GRIK2: variants seen among roughly 807,000 people sequenced by gnomAD.
GRIK2 encodes glutamate ionotropic receptor kainate type subunit 2, also known as glutamate receptor ionotropic, kainate 2.
A neutral mutation model predicts 100.3 loss-of-function variants in GRIK2; 32 were observed. The ratio of observed to expected loss-of-function variants is 0.32; its 90% CI spans 0.24 to 0.43. The LOEUF is 0.43. GRIK2 is among the 20% of genes least tolerant of loss of function. The probability of loss-of-function intolerance (pLI) is 1.00; values close to 1 mark genes in which losing one functional copy is unlikely to be tolerated. For synonymous variants in GRIK2, 417 were observed against 389.4 expected, an observed-to-expected ratio of 1.07 and a Z score of -0.83; for missense variants, 843 against 1,114.9, an observed-to-expected ratio of 0.76 and a Z score of 3.47.
At chr6:102,018,536 C>A in intron 14 of GRIK2, among the ~76,000 whole-genome samples, 1 of 152,060 alleles carries the variant, frequency 6.6e-6, no homozygotes, top group East Asian at 1.9e-4. Context: ...CCACTTCTGG[C>A]ACCCAGCAAT....
intron 11 of GRIK2, among the ~76,000 whole-genome samples, chr6:101,881,480 A>C (rs1786238705): frequency 6.6e-6 from 1 of 151,962 alleles, no homozygotes; most frequent in Non-Finnish European, 1.5e-5. Context: ...TTATAATAAT[A>C]GAAATAATAC....
intron 2 of GRIK2, among the ~76,000 whole-genome samples, chr6:101,515,181 G>A (rs1774522995): frequency 1.3e-5 from 2 of 152,024 alleles, no homozygotes; most frequent in South Asian, 4.1e-4. Context: ...ACATCACTTA[G>A]AATAATAGTC....
chr6:101,726,201 G>A (rs1774854290), intron 7 of GRIK2, among the ~76,000 whole-genome samples: 1 of 151,894 alleles, frequency 6.6e-6, no homozygotes, highest in African/African-American at 2.4e-5. Flanking sequence ...TGCAAACAGT[G>A]TCCAGAGAAA....
At chr6:101,687,054 T>G (rs1296780455) in intron 7 of GRIK2, among the ~76,000 whole-genome samples, 1 of 152,090 alleles carries the variant, frequency 6.6e-6, no homozygotes, top group Non-Finnish European at 1.5e-5. Context: ...TTTAAGCTAC[T>G]ATGTAAAAAT....
intron 2 of GRIK2, among the ~76,000 whole-genome samples, chr6:101,465,040 G>A (rs748240621): frequency 2.6e-5 from 4 of 152,056 alleles, no homozygotes; most frequent in Non-Finnish European, 5.9e-5. Context: ...ATGCAATATG[G>A]CTAACAGGAT....
At chr6:101,520,611 C>A (rs974147465) in intron 2 of GRIK2, among the ~76,000 whole-genome samples, 4 of 151,976 alleles carry the variant, frequency 2.6e-5, no homozygotes, top group African/African-American at 9.7e-5. Flanking sequence ...TGACCAAGAA[C>A]TTCTTGTTTA....
intron 2 of GRIK2, among the ~76,000 whole-genome samples, chr6:101,411,563 G>C (rs1314609119): frequency 2.0e-5 from 3 of 152,054 alleles, no homozygotes; most frequent in Admixed American, 1.3e-4. Flanking sequence ...ATCCTAAGAA[G>C]TTTTTGACCT....
intron 10 of GRIK2, among the ~76,000 whole-genome samples, chr6:101,845,915 T>C (rs1783780543): frequency 6.6e-6 from 1 of 152,216 alleles, no homozygotes; most frequent in Non-Finnish European, 1.5e-5. Context: ...TGACTAATGA[T>C]GTTGAGCATG....
intron 4 of GRIK2, among the ~76,000 whole-genome samples, chr6:101,640,193 CTA>C (rs1229240633): frequency 6.6e-6 from 1 of 152,138 alleles, no homozygotes; most frequent in Non-Finnish European, 1.5e-5. Context: ...AGGCAAATCT[CTA>C]TGATTCAGTA....
At chr6:101,789,150 G>A (rs1218193139) in intron 7 of GRIK2, among the ~76,000 whole-genome samples, 1 of 152,064 alleles carries the variant, frequency 6.6e-6, no homozygotes, top group Non-Finnish European at 1.5e-5. Context: ...CTCCCATTTT[G>A]TAGGTTGCCT....
In GRIK2 at chr6:101,554,277, C is replaced by T. The variant is rs995808574; in HGVS notation, c.116-67672C>T. ...CAGAGCTGCCAAAGCTCCTGAAGTT[C>T]GTGTTAGTGTCTGTGTCCTTCAGAT... On this transcript the variant is annotated intron_variant, in intron 2 of 16. Coordinates refer to ENST00000369134, the MANE Select transcript of GRIK2 (RefSeq NM_021956.5). Among the ~76,000 whole-genome samples, 10 of 152,236 alleles carry T rather than the reference C, an allele frequency of 6.6e-5. 1 individual carries two copies. Among genetic ancestry groups the T allele is most frequent in the Admixed American group, 6.5e-4 (10 of 15,300 alleles).
At chr6:101,479,358 G>A (rs1772408966) in intron 2 of GRIK2, among the ~76,000 whole-genome samples, 1 of 152,074 alleles carries the variant, frequency 6.6e-6, no homozygotes, top group African/African-American at 2.4e-5. Flanking sequence ...CAGTGAGGGA[G>A]AATTTTTTTA....
chr6:101,527,226 G>T (rs1775199769), intron 2 of GRIK2, among the ~76,000 whole-genome samples: 1 of 152,166 alleles, frequency 6.6e-6, no homozygotes, highest in African/African-American at 2.4e-5. Context: ...ACACAGTACT[G>T]TCATCCAAAT....
chr6:101,495,367 G>GT (rs1243133955), intron 2 of GRIK2, among the ~76,000 whole-genome samples: 1 of 151,102 alleles, frequency 6.6e-6, no homozygotes, highest in African/African-American at 2.5e-5. Flanking sequence ...TTAGCCAGGC[G>GT]TGGTGGCGGG....
At chr6:101,460,073 T>C (rs1771221994) in intron 2 of GRIK2, among the ~76,000 whole-genome samples, 1 of 152,176 alleles carries the variant, frequency 6.6e-6, no homozygotes. Flanking sequence ...CTGTTGCTCT[T>C]ATCCACAACT....
intron 10 of GRIK2, among the ~76,000 whole-genome samples, chr6:101,823,432 A>G (rs1782091945): frequency 6.7e-6 from 1 of 149,296 alleles, no homozygotes; most frequent in Non-Finnish European, 1.5e-5. Flanking sequence ...GTCTATGCCT[A>G]AAGCTCAGCT....
intron 7 of GRIK2, among the ~76,000 whole-genome samples, chr6:101,745,892 T>A (rs1417842454): frequency 6.6e-6 from 1 of 152,226 alleles, no homozygotes; most frequent in Non-Finnish European, 1.5e-5. Context: ...TTTTGAAATA[T>A]GACTTAAAGC....
chr6:101,758,705 T>A (rs1336288051), intron 7 of GRIK2, among the ~76,000 whole-genome samples: 1 of 152,192 alleles, frequency 6.6e-6, no homozygotes, highest in Non-Finnish European at 1.5e-5. Flanking sequence ...GCATGGGATA[T>A]AAGAGCAAGT....
rs762092170 is a variant in GRIK2 at position 101,799,687 on chromosome 6, T to C, written c.991T>C (p.Ser331Pro). ...AATGTATGATGCTGTGCATGTGGTG[T>C]CTGTGGCCGTTCAACAGTTTCCCCA... ...ALMYDAVHVV[S>P]VAVQQFPQMT... is the part of the protein sequence containing the mutation. The change falls in exon 8 of 17, where the codon TCT becomes CCT. Residue 331 changes from serine (S) to proline (P), a missense_variant. Physicochemically the swap from Ser to Pro is moderately conservative, Grantham distance 74. Around this residue, in one of 3 missense-constraint regions of GRIK2, gnomAD observed 519 missense variants for 643.8 expected, o/e 0.81. Transcript: ENST00000369134. The C allele has an allele frequency of 6.2e-7, 1 of 1,613,244 alleles. No individual in the cohort carries two copies. The highest frequency in any genetic ancestry group is 8.5e-7 in the Non-Finnish European group (1 of 1,179,244).
Sources: allele counts gnomAD v4.1 joint callset (sites outside exome capture counted in the v4.1 genomes callset), GRCh38; gene constraint gnomAD v4.1.1; regional missense constraint gnomAD v4.1.1; transcripts MANE v1.5; gene names NCBI Gene and HGNC (gene_info 2026-07-23, HGNC 2026-07-21).